FCHO2: variants seen among roughly 807,000 people sequenced by gnomAD.
The protein encoded by FCHO2 is F-BAR domain only protein 2.
Under a neutral mutation model 114.1 loss-of-function variants are expected in FCHO2, and 43 were observed. The observed-to-expected ratio is 0.38, with a 90% CI of 0.30 to 0.49. The LOEUF (loss-of-function observed/expected upper bound fraction) is 0.49. Among genes scored for constraint, FCHO2 ranks in the 20% least tolerant of loss-of-function variants. The pLI is 0.97. For synonymous variants in FCHO2, 293 were observed against 315.2 expected (o/e 0.93, Z 0.75); for missense variants, 807 against 950.4 (o/e 0.85, Z 1.98).
chr5:72,993,955 C>G (rs911117087), intron 5 of FCHO2, among the ~76,000 whole-genome samples: 3 of 152,064 alleles, frequency 2.0e-5, no homozygotes, highest in African/African-American at 7.3e-5. Flanking sequence ...GAAACTGGAC[C>G]CCTTTTTTAC....
intron 6 of FCHO2, among the ~76,000 whole-genome samples, chr5:73,011,431 G>T (rs188477341): frequency 6.6e-6 from 1 of 151,720 alleles, no homozygotes; most frequent in South Asian, 2.1e-4. Flanking sequence ...ATCCTTACTC[G>T]ATCAGCTTTT....
chr5:73,077,356 T>A lies in FCHO2; in HGVS notation c.1710T>A (p.Thr570=). The A allele has an allele frequency of 6.3e-7, 1 of 1,581,542 alleles. No individual in the cohort carries two copies. Among genetic ancestry groups the A allele is most frequent in the South Asian group, 1.2e-5 (1 of 86,638 alleles). Residue 570 remains threonine (T), a synonymous_variant, in exon 21 of 26, where the codon ACT becomes ACA. Coordinates refer to ENST00000430046, the MANE Select transcript of FCHO2 (RefSeq NM_138782.3). ...GTTTTAGGTGTATTGTGAAGATCAC[T>A]GGTGATATGACAATGTCATTTCCAA... is the stretch of plus-strand genomic sequence containing the variant. The part of the protein sequence containing the change: ...ADPTKCIVKI[T]GDMTMSFPSG...
chr5:72,988,352 C>T (rs1017301453), intron 2 of FCHO2, among the ~76,000 whole-genome samples: 2 of 151,910 alleles, frequency 1.3e-5, no homozygotes, highest in Admixed American at 6.6e-5. Context: ...GCAGGAGAAT[C>T]GCTTGAATCC....
chr5:73,055,448 A>G (rs1313151543), intron 15 of FCHO2, among the ~76,000 whole-genome samples: 2 of 152,174 alleles, frequency 1.3e-5, no homozygotes, highest in African/African-American at 4.8e-5. Context: ...TGCAAAGAAA[A>G]CATGAAGGTG....
At chr5:72,978,573 C>T (rs1158316693) in intron 2 of FCHO2, among the ~76,000 whole-genome samples, 1 of 152,134 alleles carries the variant, frequency 6.6e-6, no homozygotes, top group Admixed American at 6.6e-5. Flanking sequence ...ATTTGACATC[C>T]CCTTTTCCTA....
intron 2 of FCHO2, among the ~76,000 whole-genome samples, chr5:72,980,670 T>C (rs186036006): frequency 7.5e-4 from 114 of 152,334 alleles, no homozygotes; most frequent in Admixed American, 3.9e-4. Flanking sequence ...TTAGCTCATC[T>C]TGATGCATTG....
At chr5:73,068,545 C>T in intron 18 of FCHO2, 105 bp from the exon 19 acceptor site, 3 of 1,146,070 alleles carry the variant, frequency 2.6e-6, no homozygotes, top group Non-Finnish European at 3.7e-6. Context: ...GAAACTCACA[C>T]AGTAAATTTG....
chr5:73,084,113 T>C (rs1743214043), intron 24 of FCHO2, among the ~76,000 whole-genome samples: 1 of 152,154 alleles, frequency 6.6e-6, no homozygotes, highest in Non-Finnish European at 1.5e-5. Flanking sequence ...ATAACTCAAC[T>C]TACAATAAGG....
Position 73,088,987 on chromosome 5 carries a change from T to C in FCHO2, c.*897T>C, listed in dbSNP as rs1252194671. 1.3e-5 allele frequency: 2 copies of C among 152,558 alleles called. No homozygotes were observed. The highest frequency in any genetic ancestry group is 4.8e-5 in the African/African-American group (2 of 41,426). The allele number at this position is 152,558 out of a possible 1,614,324, so 9.5% of individuals were successfully genotyped here. On this transcript the variant is annotated 3_prime_UTR_variant, in exon 26 of 26. Coordinates refer to ENST00000430046, the MANE Select transcript of FCHO2 (RefSeq NM_138782.3). The stretch of plus-strand genomic sequence containing the variant: ...AGCATTTTTATAAGATATTTGCAAT[T>C]TTTGTAAATATTTTTGGCCTGCAAC...
intron 2 of FCHO2, among the ~76,000 whole-genome samples, chr5:72,975,194 T>C (rs1371919133): frequency 6.6e-6 from 1 of 152,222 alleles, no homozygotes; most frequent in African/African-American, 2.4e-5. Flanking sequence ...TATTTGTTTT[T>C]ATGTTCCTCT....
At chr5:73,005,936 G>C (rs892791106) in intron 5 of FCHO2, among the ~76,000 whole-genome samples, 25 of 152,046 alleles carry the variant, frequency 1.6e-4, no homozygotes, top group African/African-American at 6.0e-4. Flanking sequence ...GAAACATCAA[G>C]GAAACCAGCC....
intron 8 of FCHO2, among the ~76,000 whole-genome samples, chr5:73,029,721 A>T (rs1177878620): frequency 6.6e-6 from 1 of 152,182 alleles, no homozygotes; most frequent in African/African-American, 2.4e-5. Flanking sequence ...ACCATGTCAC[A>T]TGGCAATAGT....
Position 73,090,292 on chromosome 5 carries a change from G to T in FCHO2, c.*2202G>T, listed in dbSNP as rs1333056789. The T allele has an allele frequency of 6.6e-6, 1 of 152,450 alleles. No individual in the cohort carries two copies. The highest frequency in any genetic ancestry group is 1.9e-4 in the East Asian group (1 of 5,194). 9.4% of individuals were successfully genotyped at this position (152,450 alleles called of 1,614,324 possible). A position where few individuals can be genotyped will look rare whatever the true frequency, so the allele number is the denominator to read the frequency against. On this transcript the variant is annotated 3_prime_UTR_variant, in exon 26 of 26. Coordinates refer to ENST00000430046, the MANE Select transcript of FCHO2 (RefSeq NM_138782.3). ...AATGGGAAATGTACCTAGCAAGCTG[G>T]TTCTTGCTTATATATAGTGATAAAC...
intron 2 of FCHO2, among the ~76,000 whole-genome samples, chr5:72,978,274 A>G (rs1320596551): frequency 2.6e-5 from 4 of 152,128 alleles, no homozygotes; most frequent in East Asian, 1.9e-4. Flanking sequence ...TGTGTCCTCT[A>G]TTATTTCCTT....
chr5:73,038,671 C>T (rs1463669899), intron 10 of FCHO2, among the ~76,000 whole-genome samples: 1 of 152,130 alleles, frequency 6.6e-6, no homozygotes, highest in Non-Finnish European at 1.5e-5. Context: ...TTTTAAATGA[C>T]TCTCTTCCCC....
chr5:72,974,508 A>C (rs958605057), intron 2 of FCHO2, among the ~76,000 whole-genome samples: 2 of 150,870 alleles, frequency 1.3e-5, no homozygotes, highest in African/African-American at 4.9e-5. Context: ...CTGTTTTATC[A>C]GAGACTAAGA....
intron 19 of FCHO2, among the ~76,000 whole-genome samples, chr5:73,069,413 CCCTGAG>C (rs1742521916): frequency 6.6e-6 from 1 of 151,762 alleles, no homozygotes. Flanking sequence ...TCAGTGTGAG[CCCTGAG>C]CTTTTTGTCT....
At chr5:72,968,362 A>C (rs1181584459) in intron 1 of FCHO2, 136 bp from the exon 2 acceptor site, 4 of 559,462 alleles carry the variant, frequency 7.1e-6, no homozygotes, top group Non-Finnish European at 1.2e-5. Flanking sequence ...GTTTAAAATC[A>C]TACAATAAAT....
chr5:73,058,471 T>A lies in FCHO2; in HGVS notation c.1292T>A (p.Phe431Tyr). 6.3e-7 allele frequency: 1 copy of A among 1,574,812 alleles called. No homozygotes were observed. Among genetic ancestry groups the A allele is most frequent in the Non-Finnish European group, 8.6e-7 (1 of 1,157,810 alleles). The change falls in exon 17 of 26, where the codon TTT becomes TAT. Residue 431 changes from phenylalanine (F) to tyrosine (Y), a missense_variant. Physicochemically the swap from Phe to Tyr is conservative, Grantham distance 22 (BLOSUM62 3). Coordinates refer to ENST00000430046, the MANE Select transcript of FCHO2 (RefSeq NM_138782.3). The stretch of plus-strand genomic sequence containing the variant: ...GATTTACTTGCTTGGGACCCCCTAT[T>A]TGGACCATCTCTTGATTCATCTTCT... ...TSDLLAWDPLFGPSLDSSSSS... is the reference protein window; with the variant it reads ...TSDLLAWDPLYGPSLDSSSSS...
Sources: allele counts gnomAD v4.1 joint callset (sites outside exome capture counted in the v4.1 genomes callset), GRCh38; gene constraint gnomAD v4.1.1; transcripts MANE v1.5; gene names NCBI Gene and HGNC (gene_info 2026-07-23, HGNC 2026-07-21).